The following VAPB variants were observed in gnomAD, a reference collection of about 807,000 sequenced individuals.
The protein encoded by VAPB is vesicle-associated membrane protein-associated protein B/C.
Under a neutral mutation model 25.6 loss-of-function variants are expected in VAPB, and 7 were observed. The observed-to-expected ratio is 0.27, with a 90% CI of 0.16 to 0.51. The LOEUF is 0.51. Among genes scored for constraint, VAPB ranks in the 20% least tolerant of loss-of-function variants. VAPB has a pLI of 0.97. For synonymous variants in VAPB, 112 were observed against 109.2 expected (o/e 1.03, Z -0.16); for missense variants, 266 against 301.3 (o/e 0.88, Z 0.87).
chr20:58,389,350 G>T lies in VAPB; in HGVS notation c.-110G>T. 3.7e-6 allele frequency: 2 copies of T among 546,546 alleles called. No individual in the cohort carries two copies. Among genetic ancestry groups the T allele is most frequent in the South Asian group, 3.7e-5 (2 of 54,288 alleles). The allele number at this position is 546,546 out of a possible 1,614,324, so 33.9% of individuals were successfully genotyped here. On this transcript the variant is annotated 5_prime_UTR_variant, in exon 1 of 6. Coordinates refer to ENST00000475243, the MANE Select transcript of VAPB (RefSeq NM_004738.5). ...GGTAGAGGACCCCCGCCCGTGCCCC[G>T]ACCGGTCCCCGCCTTTTTGTAAAAC...
chr20:58,439,348 G>A (rs960835682), intron 4 of VAPB: 5 of 318,784 alleles, frequency 1.6e-5, no homozygotes, highest in Non-Finnish European at 3.0e-5. Flanking sequence ...AGTGAAAGAG[G>A]GAACAATTTG....
intron 5 of VAPB, among the ~76,000 whole-genome samples, chr20:58,441,537 G>T (rs533571511): frequency 6.6e-6 from 1 of 152,292 alleles, no homozygotes; most frequent in African/African-American, 2.4e-5. Context: ...AGCCACTCGG[G>T]AGGCTGAGGC....
chr20:58,447,441 C>T lies in VAPB; in HGVS notation c.*3206C>T, dbSNP rs1039562381. On this transcript the variant is annotated 3_prime_UTR_variant, in exon 6 of 6. Coordinates refer to ENST00000475243, the MANE Select transcript of VAPB (RefSeq NM_004738.5). ...AGTGGCCAGTTTATGGCTAGAGAGA[C>T]GACTTATACCTCCATAACACAGAAG... is the stretch of plus-strand genomic sequence containing the variant. The T allele has an allele frequency of 6.6e-6, 3 of 453,882 alleles. No individual in the cohort carries two copies. The highest frequency in any genetic ancestry group is 2.0e-5 in the African/African-American group (1 of 49,948). 28.1% of individuals were successfully genotyped at this position (453,882 alleles called of 1,614,324 possible).
intron 5 of VAPB, 133 bp downstream of exon 5, chr20:58,441,216 A>G (rs1989154253): frequency 4.0e-6 from 4 of 996,062 alleles, no homozygotes; most frequent in Non-Finnish European, 4.6e-6. Context: ...TTTTCTCCCC[A>G]GGGAGAAATT....
At chr20:58,426,752 C>A (rs1017493245) in intron 2 of VAPB, among the ~76,000 whole-genome samples, 1 of 152,014 alleles carries the variant, frequency 6.6e-6, no homozygotes, top group African/African-American at 2.4e-5. Context: ...AGGGGCTAGG[C>A]AGGGTGATTT....
chr20:58,394,540 G>T (rs1401987554), intron 1 of VAPB, among the ~76,000 whole-genome samples: 1 of 152,232 alleles, frequency 6.6e-6, no homozygotes, highest in Non-Finnish European at 1.5e-5. Flanking sequence ...ACCCTGAATA[G>T]ATTATCTTCA....
intron 1 of VAPB, among the ~76,000 whole-genome samples, chr20:58,403,007 A>T (rs746296217): frequency 1.3e-5 from 2 of 152,096 alleles, no homozygotes; most frequent in Non-Finnish European, 2.9e-5. Flanking sequence ...TGTATCTCAA[A>T]AACAAAAACA....
intron 1 of VAPB, among the ~76,000 whole-genome samples, chr20:58,398,781 T>C (rs1337131337): frequency 6.6e-6 from 1 of 152,184 alleles, no homozygotes; most frequent in African/African-American, 2.4e-5. Context: ...CTGAAGTTAT[T>C]AACCCAAGTT....
chr20:58,430,270 GTC>G (rs1193919190), intron 2 of VAPB, among the ~76,000 whole-genome samples: 4 of 148,352 alleles, frequency 2.7e-5, no homozygotes, highest in African/African-American at 1.0e-4. Context: ...TTGAGGTGGA[GTC>G]TCTGTCGCTC....
chr20:58,449,562 G>C lies in VAPB; in HGVS notation c.*5327G>C, dbSNP rs1388411862. ...ATCTAACTTGCCATAAATATTTGCA[G>C]TTATGATACCTTGGAATGTTGCCAC... On this transcript the variant is annotated 3_prime_UTR_variant, in exon 6 of 6. Transcript: ENST00000475243. The C allele has an allele frequency of 6.6e-6, 3 of 453,988 alleles. No homozygotes were observed. Among genetic ancestry groups the C allele is most frequent in the Non-Finnish European group, 1.3e-5 (3 of 226,802 alleles). The allele number at this position is 453,988 out of a possible 1,614,324, so 28.1% of individuals were successfully genotyped here.
rs904980784 is a variant in VAPB, at chr20:58,447,796, G to C, written c.*3561G>C. The C allele has an allele frequency of 2.2e-6, 1 of 454,018 alleles. No individual in the cohort carries two copies. Among genetic ancestry groups the C allele is most frequent in the Non-Finnish European group, 4.4e-6 (1 of 226,760 alleles). 28.1% of individuals were successfully genotyped at this position (454,018 alleles called of 1,614,324 possible). A position where few individuals can be genotyped will look rare whatever the true frequency, so the allele number is the denominator to read the frequency against. On this transcript the variant is annotated 3_prime_UTR_variant, in exon 6 of 6. Coordinates refer to ENST00000475243, the MANE Select transcript of VAPB (RefSeq NM_004738.5). ...CTCAGAATCCATGCCAAAATACAAT[G>C]TTATATGTCATTTTCAGCTCCTTCT...
intron 2 of VAPB, among the ~76,000 whole-genome samples, chr20:58,426,557 C>T (rs572428559): frequency 1.3e-5 from 2 of 152,194 alleles, no homozygotes; most frequent in East Asian, 1.9e-4. Flanking sequence ...GATGCGCACA[C>T]CTGTTGGAGC....
intron 1 of VAPB, among the ~76,000 whole-genome samples, chr20:58,390,617 T>C (rs991358695): frequency 1.3e-5 from 2 of 152,172 alleles, no homozygotes; most frequent in African/African-American, 4.8e-5. Flanking sequence ...TGGAACAGTC[T>C]GACTCCATGG....
intron 1 of VAPB, among the ~76,000 whole-genome samples, chr20:58,394,237 G>T (rs1987892382): frequency 6.6e-6 from 1 of 150,960 alleles, no homozygotes; most frequent in Non-Finnish European, 1.5e-5. Context: ...GACGTTGTTT[G>T]TTTTGTTTTG....
At chr20:58,427,529 G>C (rs190041719) in intron 2 of VAPB, among the ~76,000 whole-genome samples, 3 of 124,818 alleles carry the variant, frequency 2.4e-5, no homozygotes, top group Non-Finnish European at 5.0e-5. Context: ...TTGTGATCTC[G>C]TAGCATTATG....
chr20:58,448,426 A>AT lies in VAPB; in HGVS notation c.*4194dup, dbSNP rs1415182269. 1 of 453,988 alleles carries AT rather than the reference A, an allele frequency of 2.2e-6. No individual in the cohort carries two copies. Among genetic ancestry groups the AT allele is most frequent in the Non-Finnish European group, 4.4e-6 (1 of 226,798 alleles). 28.1% of individuals were successfully genotyped at this position (453,988 alleles called of 1,614,324 possible). On this transcript the variant is annotated 3_prime_UTR_variant, in exon 6 of 6. Coordinates refer to ENST00000475243, the MANE Select transcript of VAPB (RefSeq NM_004738.5). Reference sequence around the variant, plus strand: ...ATGCCACTCCTTACCTGTATAGAACATTTCCAATACATTCGCTCATTGAAC... The same window carrying AT: ...ATGCCACTCCTTACCTGTATAGAACATTTTCCAATACATTCGCTCATTGAAC...
rs1365493989 is a variant in VAPB, at chr20:58,444,470, C to G, written c.*235C>G. The G allele has an allele frequency of 1.6e-6, 1 of 634,604 alleles. No homozygotes were observed. The allele number at this position is 634,604 out of a possible 1,614,324, so 39.3% of individuals were successfully genotyped here. A position where few individuals can be genotyped will look rare whatever the true frequency, so the allele number is the denominator to read the frequency against. ...ACTGATTGAGGGGGAAAAGAATGAT[C>G]TTTATTAATGACAAGGGAAACCATG... On this transcript the variant is annotated 3_prime_UTR_variant, in exon 6 of 6. Transcript: ENST00000475243.
At chr20:58,418,396 G>T (rs375927074) in intron 2 of VAPB, 33 bp downstream of exon 2, 5 of 1,612,058 alleles carry the variant, frequency 3.1e-6, no homozygotes, top group South Asian at 2.2e-5. Flanking sequence ...TAGAGGGTGG[G>T]CTCAGAAGGC....
intron 5 of VAPB, among the ~76,000 whole-genome samples, chr20:58,441,726 T>G (rs1310889584): frequency 2.6e-5 from 4 of 152,256 alleles, no homozygotes; most frequent in Non-Finnish European, 5.9e-5. Context: ...AAATAGTTTT[T>G]ATTTTGAATA....
Sources: allele counts gnomAD v4.1 joint callset (sites outside exome capture counted in the v4.1 genomes callset), GRCh38; gene constraint gnomAD v4.1.1; transcripts MANE v1.5; gene names NCBI Gene and HGNC (gene_info 2026-07-23, HGNC 2026-07-21).